Variants in MBNL2 observed in about 807,000 individuals in gnomAD.
The protein encoded by MBNL2 is muscleblind like splicing regulator 2, also known as muscleblind-like protein 2.
MBNL2 carries 17 observed loss-of-function variants against 41.9 expected under a neutral mutation model. That is an observed-to-expected ratio of 0.41 (90% CI 0.28 to 0.61). The LOEUF (loss-of-function observed/expected upper bound fraction) is 0.61. Ranked by LOEUF, MBNL2 falls within the 20% of genes least tolerant of loss-of-function variation. The pLI is 0.35. For missense variants in MBNL2, 336 were observed against 505.6 expected, an observed-to-expected ratio of 0.66 and a Z score of 3.22; for synonymous variants, 195 against 182.9, an observed-to-expected ratio of 1.07 and a Z score of -0.53.
chr13:97,329,061 G>T (rs2060152113), intron 2 of MBNL2, among the ~76,000 whole-genome samples: 4 of 152,082 alleles, frequency 2.6e-5, no homozygotes, highest in Admixed American at 2.6e-4. Context: ...GTTCTGTCAA[G>T]TACATATTAC....
In MBNL2 at chr13:97,307,180, T is replaced by G. The variant is rs74103236; in HGVS notation, c.175-27096T>G. On this transcript the variant is annotated intron_variant, in intron 2 of 8. Transcript: ENST00000679496. ...CTTCAATAAAACCATGTTGATTGAT[T>G]GGTTGATGATTGATTATTTGACCTG... Among the ~76,000 whole-genome samples the G allele has an allele frequency of 2.0e-3, 304 of 152,186 alleles. 2 individuals are homozygous for G. Among genetic ancestry groups the G allele is most frequent in the African/African-American group, 6.8e-3 (283 of 41,520 alleles).
At chr13:97,347,711 T>G (rs1490659964) in intron 5 of MBNL2, among the ~76,000 whole-genome samples, 2 of 152,148 alleles carry the variant, frequency 1.3e-5, no homozygotes, top group Non-Finnish European at 2.9e-5. Flanking sequence ...TGAGTCACCC[T>G]ACTGTCATTA....
chr13:97,347,379 G>A (rs1205676977), intron 5 of MBNL2, among the ~76,000 whole-genome samples: 3 of 152,156 alleles, frequency 2.0e-5, no homozygotes, highest in Admixed American at 1.3e-4. Flanking sequence ...AGGCTCAGGG[G>A]CCTTGTAATG....
At position 97,276,416 on chromosome 13, in the gene MBNL2, G is replaced by C. The variant is rs2052132545; in HGVS notation, c.174+7G>C. 6.2e-7 allele frequency: 1 copy of C among 1,613,498 alleles called. No homozygotes were observed. Reference sequence around the variant, plus strand: ...CTGCTTTGATTCCCTAAAGGTAAGAGAATGCGTTTTATGTGTCATTTCAAT... The same window carrying C: ...CTGCTTTGATTCCCTAAAGGTAAGACAATGCGTTTTATGTGTCATTTCAAT... On this transcript the variant is annotated splice_region_variant and intron_variant, in intron 2 of 8. Transcript: ENST00000679496.
At chr13:97,206,464 T>G in the MBNL2 span, among the ~76,000 whole-genome samples, 2 of 152,166 alleles carry the variant, frequency 1.3e-5, no homozygotes, top group African/African-American at 4.8e-5. Context: ...GGTTTGGCTG[T>G]GAATCTTGTG....
chr13:97,290,059 C>T (rs1480419453), intron 2 of MBNL2, among the ~76,000 whole-genome samples: 1 of 152,144 alleles, frequency 6.6e-6, no homozygotes, highest in Non-Finnish European at 1.5e-5. Context: ...CATGTTTCTC[C>T]TATAAAAGTC....
intron 2 of MBNL2, among the ~76,000 whole-genome samples, chr13:97,285,990 C>T (rs987474083): frequency 6.6e-6 from 1 of 152,222 alleles, no homozygotes; most frequent in Non-Finnish European, 1.5e-5. Context: ...CAAACACGTT[C>T]TTGCCTTAAA....
intron 2 of MBNL2, among the ~76,000 whole-genome samples, chr13:97,324,666 A>G (rs1328334279): frequency 3.3e-5 from 5 of 152,184 alleles, no homozygotes; most frequent in Admixed American, 2.0e-4. Flanking sequence ...TAAGCTGTCT[A>G]CCAGCTGAGG....
chr13:97,335,251 T>C (rs2060779320), intron 3 of MBNL2, among the ~76,000 whole-genome samples: 1 of 152,200 alleles, frequency 6.6e-6, no homozygotes, highest in African/African-American at 2.4e-5. Flanking sequence ...GTAGGTTTCA[T>C]TTACATTTGT....
At chr13:97,191,580 C>T in the MBNL2 span, among the ~76,000 whole-genome samples, 22 of 151,962 alleles carry the variant, frequency 1.4e-4, no homozygotes, top group African/African-American at 4.8e-4. Context: ...GTTAGGCCAG[C>T]CTCTCCATGC....
At chr13:97,304,996 C>G (rs1177744797) in intron 2 of MBNL2, among the ~76,000 whole-genome samples, 2 of 152,058 alleles carry the variant, frequency 1.3e-5, no homozygotes, top group Admixed American at 1.3e-4. Context: ...AAATCTGCTG[C>G]TTAAAAAAAA....
At chr13:97,203,774 G>C in the MBNL2 span, among the ~76,000 whole-genome samples, 1 of 152,098 alleles carries the variant, frequency 6.6e-6, no homozygotes, top group African/African-American at 2.4e-5. Context: ...TCTTCTCCAT[G>C]AGGACCTGTA....
At chr13:97,265,660 C>G (rs920158677) in intron 1 of MBNL2, among the ~76,000 whole-genome samples, 1 of 151,772 alleles carries the variant, frequency 6.6e-6, no homozygotes, top group African/African-American at 2.4e-5. Context: ...TTTGTGTGTG[C>G]GTGTGTGTGT....
At chr13:97,210,034 G>A in the MBNL2 span, among the ~76,000 whole-genome samples, 1 of 152,164 alleles carries the variant, frequency 6.6e-6, no homozygotes, top group African/African-American at 2.4e-5. Flanking sequence ...GGCCTCAGGT[G>A]ATCTGCCCGC....
At chr13:97,210,755 G>T in the MBNL2 span, among the ~76,000 whole-genome samples, 1 of 151,702 alleles carries the variant, frequency 6.6e-6, no homozygotes, top group Non-Finnish European at 1.5e-5. Context: ...TCACCACATT[G>T]GCCAGGCTGG....
At chr13:97,161,917 C>T in the MBNL2 span, among the ~76,000 whole-genome samples, 245 of 152,270 alleles carry the variant, frequency 1.6e-3, 1 homozygote, top group African/African-American at 5.4e-3. Context: ...ACATCTGTGT[C>T]AGTCCATTCT....
At chr13:97,340,034 C>A (rs755407980) in intron 3 of MBNL2, among the ~76,000 whole-genome samples, 8 of 152,188 alleles carry the variant, frequency 5.3e-5, no homozygotes, top group Non-Finnish European at 1.0e-4. Flanking sequence ...CATTTAGTGG[C>A]TCTCCTCTAA....
intron 1 of MBNL2, among the ~76,000 whole-genome samples, chr13:97,224,207 G>A (rs928027171): frequency 2.0e-5 from 3 of 152,128 alleles, no homozygotes; most frequent in Non-Finnish European, 4.4e-5. Flanking sequence ...ATGGTCCCCG[G>A]GGCCCTATTC....
the MBNL2 span, among the ~76,000 whole-genome samples, chr13:97,142,760 T>G: frequency 6.6e-6 from 1 of 152,248 alleles, no homozygotes; most frequent in African/African-American, 2.4e-5. Flanking sequence ...TTGTAACCTG[T>G]GGAATTTCCC....
Sources: gnomAD v4.1 joint callset for allele counts (sites outside exome capture counted in the v4.1 genomes callset) on GRCh38, gnomAD v4.1.1 for gene constraint, MANE v1.5 for transcripts, NCBI Gene and HGNC (gene_info 2026-07-23, HGNC 2026-07-21) for gene names.